The following PLEKHG1 variants were observed in gnomAD, a reference collection of about 807,000 sequenced individuals.
PLEKHG1 encodes the protein pleckstrin homology and RhoGEF domain containing G1, also known as pleckstrin homology domain-containing family G member 1.
Under a neutral mutation model 100.8 loss-of-function variants are expected in PLEKHG1, and 44 were observed. The observed-to-expected ratio is 0.44, with a 90% confidence interval of 0.34 to 0.56. The LOEUF (loss-of-function observed/expected upper bound fraction) is 0.56. PLEKHG1 is among the 20% of genes least tolerant of loss of function. PLEKHG1 has a pLI of 0.01. For synonymous variants in PLEKHG1, 640 were observed against 662.5 expected, an observed-to-expected ratio of 0.97 and a Z score of 0.52; for missense variants, 1,545 against 1,720.9, an observed-to-expected ratio of 0.90 and a Z score of 1.81.
chr6:150,751,608 A>G (rs1025569067), intron 2 of PLEKHG1, among the ~76,000 whole-genome samples: 4 of 152,226 alleles, frequency 2.6e-5, no homozygotes, highest in African/African-American at 7.2e-5. Context: ...AGCTCTCACT[A>G]AGAGCCTATT....
intron 1 of PLEKHG1, among the ~76,000 whole-genome samples, chr6:150,637,363 G>GT (rs894777577): frequency 6.7e-6 from 1 of 150,010 alleles, no homozygotes. Context: ...AGCTTTTACT[G>GT]TTTTTTGTTT....
intron 3 of PLEKHG1, among the ~76,000 whole-genome samples, chr6:150,713,060 C>T (rs150569173): frequency 9.0e-4 from 137 of 152,314 alleles, no homozygotes; most frequent in Non-Finnish European, 1.4e-3. Context: ...CCATTCACTG[C>T]GCCCAGCATG....
chr6:150,797,836 A>C (rs1244791374), intron 5 of PLEKHG1, among the ~76,000 whole-genome samples: 5 of 33,894 alleles, frequency 1.5e-4, no homozygotes, highest in Non-Finnish European at 3.0e-4. Context: ...CTCTGTCTCA[A>C]AAAAAAAAAA....
intron 7 of PLEKHG1, among the ~76,000 whole-genome samples, chr6:150,807,995 TA>T (rs1425978760): frequency 6.6e-6 from 1 of 151,952 alleles, no homozygotes; most frequent in Non-Finnish European, 1.5e-5. Flanking sequence ...AAAGAATGAA[TA>T]AGATCTAGCA....
rs932058528 is a variant in PLEKHG1, at chr6:150,772,795, A to G, written c.512+4057A>G. 4.6e-5 allele frequency among the ~76,000 whole-genome samples: 7 copies of G among 152,266 alleles called. No homozygotes were observed. The South Asian group carries it at 1.5e-3, about 32-fold the overall frequency. On this transcript the variant is annotated intron_variant, in intron 3 of 15. Coordinates refer to ENST00000358517, the Ensembl canonical transcript of PLEKHG1. The stretch of plus-strand genomic sequence containing the variant: ...TATTTTGCCAATTGCGTTAAGATTG[A>G]GCATCTTTTCTTATTGGCCATTTTG...
intron 1 of PLEKHG1, among the ~76,000 whole-genome samples, chr6:150,629,133 T>C (rs1777637059): frequency 6.6e-6 from 1 of 152,212 alleles, no homozygotes; most frequent in African/African-American, 2.4e-5. Flanking sequence ...TGGTGTGTAC[T>C]TTGGCCAGTC....
rs1776878069 is a variant in PLEKHG1, at chr6:150,830,849, A to G, written c.1738A>G (p.Ser580Gly). Reference sequence around the variant, plus strand: ...GAACTCTACCAGACTATGTGAAGATAGCACTTCTAGTCGCCCTTGCAGCTG... The same window carrying G: ...GAACTCTACCAGACTATGTGAAGATGGCACTTCTAGTCGCCCTTGCAGCTG... Residue 580 changes from serine (S) to glycine (G), a missense_variant, in exon 15 of 16, where the codon AGC becomes GGC. By Grantham distance (56) the Ser-to-Gly change is moderately conservative. Coordinates refer to ENST00000358517, the Ensembl canonical transcript of PLEKHG1. The G allele has an allele frequency of 1.9e-6, 3 of 1,614,112 alleles. No homozygotes were observed. In the Admixed American group the frequency reaches 5.0e-5, roughly 27 times the overall value.
rs373942013 is a variant in PLEKHG1, at chr6:150,611,528, G to A, written c.-204+11511G>A. On this transcript the variant is annotated intron_variant, in intron 1 of 3. Transcript: ENST00000367326. ...TGCCGTGCCTATTAGAAAATAAATG[G>A]TGGCCGGGCGAGGTGGCTCACGCCT... Among the ~76,000 whole-genome samples, 8 of 152,060 alleles carry A rather than the reference G, an allele frequency of 5.3e-5. No homozygotes were observed. The East Asian group carries it at 9.6e-4, about 18-fold the overall frequency.
At chr6:150,762,140 A>AT (rs1562495760) in intron 2 of PLEKHG1, among the ~76,000 whole-genome samples, 1 of 152,054 alleles carries the variant, frequency 6.6e-6, no homozygotes. Context: ...CATTACCAGT[A>AT]AGATCAGCCT....
exon 3 of PLEKHG1, chr6:150,768,672 T>C (rs747645642): frequency 6.2e-7 from 1 of 1,612,908 alleles, no homozygotes; most frequent in Non-Finnish European, 8.5e-7. Context: ...CAAACAAAAC[T>C]TCCCCTGGGG....
intron 2 of PLEKHG1, among the ~76,000 whole-genome samples, chr6:150,738,027 T>C (rs896609142): frequency 1.6e-4 from 24 of 151,866 alleles, no homozygotes; most frequent in Admixed American, 5.9e-4. Context: ...TTGTCCAGGC[T>C]GGTCTCAAAC....
chr6:150,603,792 A>T (rs1253738684), intron 1 of PLEKHG1, among the ~76,000 whole-genome samples: 1 of 152,200 alleles, frequency 6.6e-6, no homozygotes, highest in African/African-American at 2.4e-5. Flanking sequence ...TGGAAAGCTA[A>T]ATCCTGCTGG....
intron 7 of PLEKHG1, among the ~76,000 whole-genome samples, chr6:150,806,039 G>A (rs191409379): frequency 6.6e-6 from 1 of 152,106 alleles, no homozygotes; most frequent in South Asian, 2.1e-4. Context: ...GAGTGAGATG[G>A]AAAAGCCCAA....
chr6:150,661,025 G>A (rs1211207505), intron 3 of PLEKHG1, among the ~76,000 whole-genome samples: 1 of 152,140 alleles, frequency 6.6e-6, no homozygotes, highest in African/African-American at 2.4e-5. Context: ...TTCCTTCGTG[G>A]GGTCAAGGAG....
chr6:150,662,524 T>A (rs1779233753), intron 3 of PLEKHG1: 1 of 152,272 alleles, frequency 6.6e-6, no homozygotes, highest in South Asian at 2.1e-4. Flanking sequence ...CAAGTGATTC[T>A]CCTGCTTCAG....
intron 2 of PLEKHG1, among the ~76,000 whole-genome samples, chr6:150,639,418 A>G (rs1034034976): frequency 4.6e-5 from 7 of 152,170 alleles, no homozygotes; most frequent in Non-Finnish European, 1.0e-4. Context: ...AATATTCAGT[A>G]TCCTTCTAGC....
chr6:150,631,231 C>T (rs998473826), intron 1 of PLEKHG1, among the ~76,000 whole-genome samples: 1 of 152,188 alleles, frequency 6.6e-6, no homozygotes, highest in Non-Finnish European at 1.5e-5. Flanking sequence ...ATATATACAG[C>T]AGCTCCAATT....
chr6:150,610,351 T>G (rs1776772067), intron 1 of PLEKHG1, among the ~76,000 whole-genome samples: 2 of 152,210 alleles, frequency 1.3e-5, no homozygotes, highest in South Asian at 4.1e-4. Flanking sequence ...ATCCACCTGC[T>G]TCGGCCTCCC....
intron 2 of PLEKHG1, among the ~76,000 whole-genome samples, chr6:150,739,239 T>G (rs1274301505): frequency 6.6e-6 from 1 of 152,012 alleles, no homozygotes; most frequent in African/African-American, 2.4e-5. Flanking sequence ...CCATATTTGG[T>G]GATATTGAGG....
Sources: gnomAD v4.1 joint callset for allele counts (sites outside exome capture counted in the v4.1 genomes callset) on GRCh38, gnomAD v4.1.1 for gene constraint, MANE v1.5 for transcripts, NCBI Gene and HGNC (gene_info 2026-07-23, HGNC 2026-07-21) for gene names.